ERI1: variants seen among roughly 807,000 people sequenced by gnomAD.
ERI1 encodes 3'-5' exoribonuclease 1.
A neutral mutation model predicts 39.7 loss-of-function variants in ERI1; 39 were observed. The ratio of observed to expected loss-of-function variants is 0.98; its 90% CI spans 0.76 to 1.28. The LOEUF is 1.28. ERI1 is among the 50% of genes most tolerant of loss of function. ERI1 has a pLI of 0.00. For missense variants in ERI1, 581 were observed against 416.9 expected (o/e 1.39, Z -3.43); for synonymous variants, 204 against 149.6 (o/e 1.36, Z -2.65).
chr8:9,091,032 ATTT>A (rs990949756), intron 3 of ERI1, among the ~76,000 whole-genome samples: 3 of 152,192 alleles, frequency 2.0e-5, no homozygotes, highest in Non-Finnish European at 4.4e-5. Context: ...TTCTGAAAAT[ATTT>A]TTTTCCAAAA....
intron 3 of ERI1, among the ~76,000 whole-genome samples, chr8:9,045,808 C>A (rs1329371283): frequency 6.6e-6 from 1 of 151,482 alleles, no homozygotes; most frequent in Non-Finnish European, 1.5e-5. Flanking sequence ...TCCTGAGTAG[C>A]TGGGATTACA....
chr8:9,025,254 T>G (rs1818347375), intron 6 of ERI1, among the ~76,000 whole-genome samples: 1 of 152,190 alleles, frequency 6.6e-6, no homozygotes, highest in Admixed American at 6.5e-5. Flanking sequence ...CCAATAGCTT[T>G]CCTCACTTGA....
chr8:9,016,476 A>G (rs1817300070), intron 4 of ERI1, 71 bp downstream of exon 4: 8 of 871,448 alleles, frequency 9.2e-6, no homozygotes, highest in Non-Finnish European at 1.4e-5. Context: ...TTTATACATA[A>G]TTTAAAAAAA....
intron 2 of ERI1, among the ~76,000 whole-genome samples, chr8:9,010,076 G>T (rs913549650): frequency 4.5e-4 from 68 of 152,332 alleles, no homozygotes; most frequent in African/African-American, 1.6e-3. Context: ...CATTTGCCAT[G>T]CTCAACGAAG....
At chr8:9,067,386 G>GTGTGTC (rs1798912038) in intron 3 of ERI1, among the ~76,000 whole-genome samples, 1 of 33,012 alleles carries the variant, frequency 3.0e-5, no homozygotes, top group Non-Finnish European at 6.0e-5. Context: ...GTGTGCATGT[G>GTGTGTC]TGTGTGTGTG....
chr8:9,016,906 C>T lies in ERI1; in HGVS notation c.582+501C>T, dbSNP rs189055280. ...TTCGCCATATTGGCCAGGCTGGTCT[C>T]GAACACCTAACCTCAAGTGTCCCGC... is the stretch of plus-strand genomic sequence containing the variant. On this transcript the variant is annotated intron_variant, in intron 4 of 6. Coordinates refer to ENST00000250263, the MANE Select transcript of ERI1 (RefSeq NM_153332.4). 3.5e-4 allele frequency among the ~76,000 whole-genome samples: 53 copies of T among 152,214 alleles called. No individual in the cohort carries two copies. The East Asian group carries it at 8.7e-3, about 25-fold the overall frequency.
At chr8:9,034,622 C>G (rs1056438726), downstream of ERI1, among the ~76,000 whole-genome samples, 2 of 152,124 alleles carry the variant, frequency 1.3e-5, no homozygotes, top group African/African-American at 4.8e-5. Flanking sequence ...TGTGTTTTCC[C>G]CATCGCTCCC....
intron 3 of ERI1, among the ~76,000 whole-genome samples, chr8:9,064,671 C>T (rs924215275): frequency 2.0e-5 from 3 of 152,118 alleles, no homozygotes; most frequent in African/African-American, 7.2e-5. Flanking sequence ...TGAGTTGTTC[C>T]TTGGGCTGGT....
chr8:9,022,286 A>T (rs1192734140), intron 6 of ERI1, among the ~76,000 whole-genome samples: 2 of 152,096 alleles, frequency 1.3e-5, no homozygotes, highest in Non-Finnish European at 2.9e-5. Context: ...TTTAAAAAAA[A>T]TTGGGTAGTC....
Position 9,002,966 on chromosome 8 carries a change from T to A in ERI1, c.-98T>A. 1.1e-6 allele frequency: 1 copy of A among 888,040 alleles called. No individual in the cohort carries two copies. Among genetic ancestry groups the A allele is most frequent in the Non-Finnish European group, 1.5e-6 (1 of 670,972 alleles). The allele number at this position is 888,040 out of a possible 1,614,324, so 55.0% of individuals were successfully genotyped here. A position where few individuals can be genotyped will look rare whatever the true frequency, so the allele number is the denominator to read the frequency against. On this transcript the variant is annotated 5_prime_UTR_variant, in exon 1 of 7. Coordinates refer to ENST00000250263, the MANE Select transcript of ERI1 (RefSeq NM_153332.4). ...CGCCGCCGCGGGAACGCGAGCCCGG[T>A]AATTTTTCAACGGAGAAAGGCGAGG...
intron 1 of ERI1, among the ~76,000 whole-genome samples, chr8:9,006,619 A>G (rs1032506238): frequency 2.0e-5 from 3 of 152,338 alleles, no homozygotes; most frequent in African/African-American, 4.8e-5. Flanking sequence ...AAGCAGAGCA[A>G]TATCTATTGT....
intron 3 of ERI1, among the ~76,000 whole-genome samples, chr8:9,071,414 T>A (rs1799047073): frequency 6.6e-6 from 1 of 152,202 alleles, no homozygotes; most frequent in Admixed American, 6.5e-5. Context: ...TTCAATATAA[T>A]TAAAAGCAAC....
intron 3 of ERI1, among the ~76,000 whole-genome samples, chr8:9,061,961 C>T (rs2921375): frequency 0.84 from 127,493 of 151,720 alleles, 54,242 homozygotes; most frequent in South Asian, 0.92. Flanking sequence ...TGGAGGGAGG[C>T]ATTGAGGATA....
downstream of ERI1, among the ~76,000 whole-genome samples, chr8:9,036,843 G>A (rs1020577786): frequency 5.3e-5 from 8 of 152,138 alleles, no homozygotes; most frequent in Admixed American, 1.3e-4. Context: ...CTTGCTTGCC[G>A]ACTCTGCACC....
chr8:9,027,284 T>C (rs1236757856), intron 6 of ERI1, among the ~76,000 whole-genome samples: 1 of 152,096 alleles, frequency 6.6e-6, no homozygotes, highest in Non-Finnish European at 1.5e-5. Flanking sequence ...TTTTTAGCCA[T>C]TGGCATATCA....
chr8:9,094,337 G>C (rs1324347914), intron 3 of ERI1, among the ~76,000 whole-genome samples: 1 of 152,134 alleles, frequency 6.6e-6, no homozygotes, highest in Non-Finnish European at 1.5e-5. Flanking sequence ...GTGCAGACTT[G>C]GGCAGCATTC....
intron 3 of ERI1, among the ~76,000 whole-genome samples, chr8:9,013,352 T>C (rs59257214): frequency 0.25 from 38,062 of 150,628 alleles, 5,243 homozygotes; most frequent in Non-Finnish European, 0.31. Context: ...AAATTAACAC[T>C]GCACTGCTGG....
At chr8:9,034,950 G>A (rs564387466), downstream of ERI1, among the ~76,000 whole-genome samples, 1 of 152,334 alleles carries the variant, frequency 6.6e-6, no homozygotes, top group East Asian at 1.9e-4. Flanking sequence ...GAAAGTTTTA[G>A]TGGTGTGGAT....
chr8:9,061,599 C>T (rs1331000787), intron 3 of ERI1, among the ~76,000 whole-genome samples: 2 of 152,162 alleles, frequency 1.3e-5, no homozygotes, highest in Non-Finnish European at 2.9e-5. Context: ...ACAGTGCTGT[C>T]CCAGCTCTTT....
Sources: gnomAD v4.1 joint callset for allele counts (sites outside exome capture counted in the v4.1 genomes callset) on GRCh38, gnomAD v4.1.1 for gene constraint, MANE v1.5 for transcripts, NCBI Gene and HGNC (gene_info 2026-07-23, HGNC 2026-07-21) for gene names.